NAA16: variants seen among roughly 807,000 people sequenced by gnomAD.
NAA16 encodes the protein N-alpha-acetyltransferase 16, NatA auxiliary subunit.
In NAA16, 97 loss-of-function variants were observed where a neutral mutation model predicts 110.3. The ratio of observed to expected loss-of-function variants is 0.88; its 90% confidence interval spans 0.75 to 1.04. The LOEUF (loss-of-function observed/expected upper bound fraction) is 1.04, where lower values mean the gene tolerates loss of function less well. Ranked by LOEUF, NAA16 falls within the 50% of genes least tolerant of loss-of-function variation. The pLI is 0.00. For missense variants in NAA16, 1,017 were observed against 1,005.1 expected (o/e 1.01, Z -0.16); for synonymous variants, 372 against 330.6 (o/e 1.13, Z -1.36).
At chr13:41,373,932 G>T in intron 18 of NAA16, 152 bp downstream of exon 18, 1 of 1,229,570 alleles carries the variant, frequency 8.1e-7, no homozygotes, top group Non-Finnish European at 1.1e-6. Flanking sequence ...TCAATAATAG[G>T]GGAAACAGGG....
chr13:41,323,311 C>A, intron 5 of NAA16, 121 bp downstream of exon 5: 1 of 945,920 alleles, frequency 1.1e-6, no homozygotes, highest in Non-Finnish European at 1.6e-6. Flanking sequence ...AACTTTTTGA[C>A]GTAATTGGAA....
intron 5 of NAA16, 26 bp from the exon 6 acceptor site, chr13:41,325,672 A>G (rs781709653): frequency 2.0e-6 from 3 of 1,478,422 alleles, no homozygotes; most frequent in Non-Finnish European, 2.8e-6. Context: ...TTATACAAAT[A>G]AAGTAATTTG....
intron 1 of NAA16, among the ~76,000 whole-genome samples, chr13:41,315,692 A>G (rs1020595627): frequency 2.6e-5 from 4 of 152,174 alleles, no homozygotes; most frequent in African/African-American, 4.8e-5. Flanking sequence ...GCACACACCC[A>G]TGCACTTTGG....
At position 41,314,803 on chromosome 13, in the gene NAA16, T is replaced by C. The variant is rs1358262487; in HGVS notation, c.55-2043T>C. Reference sequence around the variant, plus strand: ...TGAGCCCAGGAGCAAAAGACCAACATAGTGAGACTTCATCTCTACCAAAAA... The same window carrying C: ...TGAGCCCAGGAGCAAAAGACCAACACAGTGAGACTTCATCTCTACCAAAAA... On this transcript the variant is annotated intron_variant, in intron 1 of 19. Coordinates refer to ENST00000379406, the MANE Select transcript of NAA16 (RefSeq NM_024561.5). Among the ~76,000 whole-genome samples the C allele has an allele frequency of 5.3e-5, 8 of 151,936 alleles. No homozygotes were observed. In the South Asian group the frequency reaches 8.3e-4, roughly 16 times the overall value.
At position 41,372,780 on chromosome 13, in the gene NAA16, A is replaced by G; in HGVS notation, c.2105A>G (p.Asn702Ser). The change falls in exon 17 of 20, where the codon AAC (asparagine) becomes AGC (serine). Residue 702 changes from asparagine to serine, a missense_variant. Asn to Ser is a conservative substitution (Grantham distance 46). Transcript: ENST00000379406. Reference sequence around the variant, plus strand: ...TCTGTCAAACGAGCTTTTGCCATTAACAGTAATAACCCATGGTTACATGAA... The same window carrying G: ...TCTGTCAAACGAGCTTTTGCCATTAGCAGTAATAACCCATGGTTACATGAA... ...LQSVKRAFAI[N>S]SNNPWLHECL... 6.2e-7 allele frequency: 1 copy of G among 1,605,030 alleles called. No individual in the cohort carries two copies. Among genetic ancestry groups the G allele is most frequent in the Non-Finnish European group, 8.5e-7 (1 of 1,174,564 alleles).
intron 12 of NAA16, 93 bp from the exon 13 acceptor site, chr13:41,361,938 T>A: frequency 1.4e-6 from 2 of 1,393,934 alleles, no homozygotes; most frequent in South Asian, 2.5e-5. Context: ...GCTATTGTCA[T>A]AATAGTACTG....
intron 15 of NAA16, among the ~76,000 whole-genome samples, chr13:41,370,809 G>A (rs2043301142): frequency 6.6e-6 from 1 of 152,154 alleles, no homozygotes. Flanking sequence ...GGACCTTTAA[G>A]GCTCATTATG....
intron 9 of NAA16, among the ~76,000 whole-genome samples, chr13:41,350,170 G>C (rs1310513885): frequency 1.3e-5 from 2 of 151,684 alleles, no homozygotes; most frequent in African/African-American, 4.8e-5. Flanking sequence ...GCTGAGGTGG[G>C]AGAACCACTT....
rs1246891668 is a variant in NAA16, at chr13:41,317,011, C to T, written c.139+81C>T. The T allele has an allele frequency of 1.3e-4, 123 of 971,888 alleles. 2 individuals carry two copies. Among genetic ancestry groups the T allele is most frequent in the South Asian group, 1.2e-3 (93 of 76,912 alleles). 60.2% of individuals were successfully genotyped at this position (971,888 alleles called of 1,614,324 possible). On this transcript the variant is annotated intron_variant, in intron 2 of 19. Transcript: ENST00000379406. ...TAACAGTGAAAGAAGAGTATTTCCCCGATTCCAGGGCCTTGCAGTTCTCTA... is the reference window on the plus strand; with the variant it reads ...TAACAGTGAAAGAAGAGTATTTCCCTGATTCCAGGGCCTTGCAGTTCTCTA...
At chr13:41,359,726 A>C (rs1037940649) in intron 12 of NAA16, among the ~76,000 whole-genome samples, 1 of 151,664 alleles carries the variant, frequency 6.6e-6, no homozygotes, top group African/African-American at 2.4e-5. Context: ...AACCTTTCAC[A>C]CTTATACAAG....
intron 7 of NAA16, among the ~76,000 whole-genome samples, chr13:41,330,146 G>T (rs1270716867): frequency 6.6e-6 from 1 of 151,476 alleles, no homozygotes; most frequent in Admixed American, 6.6e-5. Context: ...TTAATATTTT[G>T]TGAAGTCTCC....
chr13:41,346,147 A>T (rs2042675419), intron 9 of NAA16, among the ~76,000 whole-genome samples: 1 of 152,194 alleles, frequency 6.6e-6, no homozygotes, highest in African/African-American at 2.4e-5. Context: ...ATTCACTCTG[A>T]GTTCATTTTG....
At chr13:41,345,413 T>C (rs1208217468) in intron 9 of NAA16, among the ~76,000 whole-genome samples, 1 of 152,244 alleles carries the variant, frequency 6.6e-6, no homozygotes, top group Non-Finnish European at 1.5e-5. Flanking sequence ...GGTTTTGCTT[T>C]GCATTTCCTG....
intron 10 of NAA16, among the ~76,000 whole-genome samples, chr13:41,357,842 T>C (rs887928338): frequency 3.9e-5 from 6 of 152,202 alleles, no homozygotes; most frequent in Non-Finnish European, 8.8e-5. Context: ...TTCCTATAGG[T>C]CATAGTCTTC....
intron 13 of NAA16, chr13:41,362,769 G>T: frequency 7.8e-7 from 1 of 1,289,760 alleles, no homozygotes; most frequent in Non-Finnish European, 1.0e-6. Flanking sequence ...GAAAAGAGCC[G>T]CAAATGCACC....
intron 6 of NAA16, among the ~76,000 whole-genome samples, chr13:41,326,831 A>G (rs992357262): frequency 3.9e-5 from 6 of 152,278 alleles, no homozygotes; most frequent in South Asian, 2.1e-4. Flanking sequence ...GTCATGCTCT[A>G]TGGGTTTTGA....
chr13:41,311,608 G>GC (rs759945515), intron 1 of NAA16, 26 bp downstream of exon 1: 88 of 1,595,696 alleles, frequency 5.5e-5, no homozygotes, highest in Non-Finnish European at 6.7e-5. Context: ...CCGCGCTGCC[G>GC]CCCCCCGGTC....
chr13:41,333,686 G>A (rs1018495296), intron 8 of NAA16, among the ~76,000 whole-genome samples: 7 of 152,004 alleles, frequency 4.6e-5, no homozygotes, highest in South Asian at 2.1e-4. Flanking sequence ...TTAAGATTAC[G>A]AACAAGACTT....
At chr13:41,347,753 T>A (rs2042724200) in intron 9 of NAA16, among the ~76,000 whole-genome samples, 1 of 152,158 alleles carries the variant, frequency 6.6e-6, no homozygotes. Context: ...AATAGATTCC[T>A]TAGGATTTTC....
Sources: allele counts gnomAD v4.1 joint callset (sites outside exome capture counted in the v4.1 genomes callset), GRCh38; gene constraint gnomAD v4.1.1; transcripts MANE v1.5; gene names NCBI Gene and HGNC (gene_info 2026-07-23, HGNC 2026-07-21).